DNAAF5: variants seen among roughly 807,000 people sequenced by gnomAD.
The protein encoded by DNAAF5 is HEAT repeat containing 2.
Under a neutral mutation model 75.8 loss-of-function variants are expected in DNAAF5, and 64 were observed. The ratio of observed to expected loss-of-function variants is 0.84; its 90% CI spans 0.69 to 1.04. The LOEUF is 1.04. DNAAF5 is among the 50% of genes least tolerant of loss of function. The pLI, the probability that DNAAF5 is intolerant of heterozygous loss-of-function variation, is 0.00. For missense variants in DNAAF5, 1,269 were observed against 1,178.5 expected, an observed-to-expected ratio of 1.08 and a Z score of -1.12; for synonymous variants, 657 against 557.2, an observed-to-expected ratio of 1.18 and a Z score of -2.52.
intron 2 of DNAAF5, among the ~76,000 whole-genome samples, chr7:735,458 A>G (rs957767857): frequency 6.7e-6 from 1 of 149,048 alleles, no homozygotes; most frequent in African/African-American, 2.5e-5. Context: ...TTCATGGTGT[A>G]GCTGCTCCCG....
Position 785,673 on chromosome 7 carries a change from G to A in DNAAF5, c.*20G>A, listed in dbSNP as rs765536324. ...CAGTGACCACGCTGGTTTCAGCCAC[G>A]GCACACCCTTGTCCCCACCTGAGCC... On this transcript the variant is annotated 3_prime_UTR_variant, in exon 13 of 13. Coordinates refer to ENST00000297440, the MANE Select transcript of DNAAF5 (RefSeq NM_017802.4). 17 of 1,611,012 alleles carry A rather than the reference G, an allele frequency of 1.1e-5. No homozygotes were observed. The highest frequency in any genetic ancestry group is 3.3e-5 in the Admixed American group (2 of 59,946).
chr7:732,936 T>C (rs1781631321), intron 2 of DNAAF5, among the ~76,000 whole-genome samples: 1 of 152,250 alleles, frequency 6.6e-6, no homozygotes, highest in African/African-American at 2.4e-5. Context: ...GTCTTTAATC[T>C]ATTTTGATTT....
intron 3 of DNAAF5, 102 bp downstream of exon 3, chr7:741,045 C>T (rs550378580): frequency 1.5e-6 from 2 of 1,378,758 alleles, no homozygotes; most frequent in Admixed American, 3.8e-5. Flanking sequence ...CTGCTGGTGT[C>T]CCTTTGTCCC....
chr7:750,178 C>T (rs1021929031), intron 4 of DNAAF5, among the ~76,000 whole-genome samples: 6 of 152,222 alleles, frequency 3.9e-5, no homozygotes, highest in Non-Finnish European at 7.3e-5. Context: ...GTCTGTGCTA[C>T]AGTTTCTGCG....
chr7:762,104 A>G (rs1782672753), intron 7 of DNAAF5, among the ~76,000 whole-genome samples: 1 of 152,088 alleles, frequency 6.6e-6, no homozygotes, highest in African/African-American at 2.4e-5. Flanking sequence ...GGGAGTGGAG[A>G]CAGCTGTTTA....
chr7:740,865 T>G lies in DNAAF5; in HGVS notation c.827T>G (p.Leu276Arg), dbSNP rs968867319. 8.7e-6 allele frequency: 14 copies of G among 1,613,968 alleles called. No individual in the cohort carries two copies. In the African/African-American group the frequency reaches 1.9e-4, roughly 22 times the overall value. The change falls in exon 3 of 13, where the codon CTG (leucine) becomes CGG (arginine). Residue 276 changes from leucine (L) to arginine (R), a missense_variant. Leu to Arg is a moderately radical substitution (Grantham distance 102, BLOSUM62 -2). Coordinates refer to ENST00000297440, the MANE Select transcript of DNAAF5 (RefSeq NM_017802.4). ...ASVVGGWLLC[L>R]RDRYSFFHKL... Reference sequence around the variant, plus strand: ...GTGGTGGGCGGCTGGCTGCTGTGTCTGCGTGACCGTTACTCCTTCTTCCAC... The same window carrying G: ...GTGGTGGGCGGCTGGCTGCTGTGTCGGCGTGACCGTTACTCCTTCTTCCAC...
At chr7:755,122 G>T (rs1463125587) in intron 5 of DNAAF5, among the ~76,000 whole-genome samples, 1 of 152,190 alleles carries the variant, frequency 6.6e-6, no homozygotes, top group Non-Finnish European at 1.5e-5. Flanking sequence ...GACAGACAGG[G>T]CCCGGGCTGC....
chr7:754,801 G>A lies in DNAAF5; in HGVS notation c.1237G>A (p.Glu413Lys). The A allele has an allele frequency of 6.2e-7, 1 of 1,605,918 alleles. No individual in the cohort carries two copies. The highest frequency in any genetic ancestry group is 8.5e-7 in the Non-Finnish European group (1 of 1,174,336). The stretch of plus-strand genomic sequence containing the variant: ...CCTGTTCCAGGCCTGCACCGACGAG[G>A]AGGCAGCCGTGGTCCAAAGTGTAAG... ...RTLFQACTDEEAAVVQSCTRS... is the reference protein window; with the variant it reads ...RTLFQACTDEKAAVVQSCTRS... The change falls in exon 5 of 13, where the codon GAG (glutamate) becomes AAG (lysine). Residue 413 changes from glutamate (E) to lysine (K), a missense_variant. Transcript: ENST00000297440. The surrounding 1 kb of genome is among the most constrained non-coding windows in gnomAD (Gnocchi z 4.8).
intron 8 of DNAAF5, chr7:769,196 A>G (rs777194679): frequency 9.0e-6 from 7 of 773,988 alleles, no homozygotes; most frequent in Non-Finnish European, 1.4e-5. Flanking sequence ...GTCCCCAGCA[A>G]CGGCTCAAGG....
rs978376503 is a variant in DNAAF5 at position 761,801 on chromosome 7, G to A, written c.1519G>A (p.Val507Met). Residue 507 changes from valine to methionine, a missense_variant, in exon 7 of 13, where the codon GTG becomes ATG. Physicochemically the swap from Val to Met is conservative, Grantham distance 21 (BLOSUM62 1). Transcript: ENST00000297440. ...GCTGTGTGTGCAGGCTCTGGTGTCT[G>A]TGTGTCATGAGGACTGTGGCGTGGC... ...LLLCVQALVS[V>M]CHEDCGVASL... is the part of the protein sequence containing the mutation. 8 of 1,609,334 alleles carry A rather than the reference G, an allele frequency of 5.0e-6. No individual in the cohort carries two copies. In the African/African-American group the frequency reaches 1.1e-4, roughly 22 times the overall value.
At chr7:779,780 G>T (rs538945079) in intron 11 of DNAAF5, 173 bp from the exon 12 acceptor site, 4 of 603,276 alleles carry the variant, frequency 6.6e-6, no homozygotes, top group East Asian at 2.9e-5. Context: ...GTCCCAGGTC[G>T]CCAGGAGCAC....
intron 4 of DNAAF5, among the ~76,000 whole-genome samples, chr7:747,133 C>T (rs1374188029): frequency 2.0e-5 from 3 of 152,218 alleles, no homozygotes; most frequent in Admixed American, 6.5e-5. Context: ...ATTGGATAAA[C>T]ACTCAGGCGT....
At chr7:742,297 G>T (rs1033902850) in intron 4 of DNAAF5, among the ~76,000 whole-genome samples, 1 of 150,422 alleles carries the variant, frequency 6.6e-6, no homozygotes, top group Non-Finnish European at 1.5e-5. Context: ...GCCCACATCA[G>T]ATGCCCAGCC....
At chr7:743,413 G>T (rs552449491) in intron 4 of DNAAF5, among the ~76,000 whole-genome samples, 1 of 151,888 alleles carries the variant, frequency 6.6e-6, no homozygotes. Context: ...CTCATGTCTG[G>T]TATTGATGTT....
intron 6 of DNAAF5, among the ~76,000 whole-genome samples, chr7:760,566 C>A (rs910936123): frequency 6.6e-6 from 1 of 152,232 alleles, no homozygotes; most frequent in East Asian, 1.9e-4. Flanking sequence ...AGGAGGATCA[C>A]TTAAGGCTAG....
rs141887568 is a variant in DNAAF5, at chr7:756,868, C to G, written c.1344C>G (p.Pro448=). 1 of 1,613,886 alleles carries G rather than the reference C, an allele frequency of 6.2e-7. No individual in the cohort carries two copies. The change falls in exon 6 of 13, where the codon CCC becomes CCG. Residue 448 remains proline (P), a synonymous_variant. Transcript: ENST00000297440. ...TCTTATCGACGCTGAAGAAGACGCCCTCTGCCTCCGGCCTCCTGGTGCTGG... is the reference window on the plus strand; with the variant it reads ...TCTTATCGACGCTGAAGAAGACGCCGTCTGCCTCCGGCCTCCTGGTGCTGG... ...KLILSTLKKT[P]SASGLLVLAS...
At chr7:740,615 G>A (rs573301415) in intron 2 of DNAAF5, among the ~76,000 whole-genome samples, 1 of 152,356 alleles carries the variant, frequency 6.6e-6, no homozygotes, top group South Asian at 2.1e-4. Flanking sequence ...GAGCTGGCCG[G>A]GACCCAGGCT....
Position 785,700 on chromosome 7 carries a change from G to C in DNAAF5, c.*47G>C. The C allele has an allele frequency of 1.3e-6, 2 of 1,598,472 alleles. No homozygotes were observed. The highest frequency in any genetic ancestry group is 3.4e-5 in the Admixed American group (2 of 59,316). On this transcript the variant is annotated 3_prime_UTR_variant, in exon 13 of 13. Transcript: ENST00000297440. ...CACACCCTTGTCCCCACCTGAGCCA[G>C]AGTTTGTGGCCTTTAAATCTCATAA...
chr7:764,033 T>TC (rs1782747604), intron 8 of DNAAF5, 59 bp downstream of exon 8: 1 of 1,567,858 alleles, frequency 6.4e-7, no homozygotes, highest in Non-Finnish European at 8.7e-7. Context: ...ACACACCTGC[T>TC]CCCCCAGGTG....
Sources: gnomAD v4.1 joint callset for allele counts (sites outside exome capture counted in the v4.1 genomes callset) on GRCh38, gnomAD v4.1.1 for gene constraint, Gnocchi (gnomAD v3.1) non-coding constraint, MANE v1.5 for transcripts, NCBI Gene and HGNC (gene_info 2026-07-23, HGNC 2026-07-21) for gene names.